The following ERBB4 variants were observed in gnomAD, a reference collection of about 807,000 sequenced individuals.
ERBB4 encodes the protein erb-b2 receptor tyrosine kinase 4.
Under a neutral mutation model 158.0 loss-of-function variants are expected in ERBB4, and 42 were observed. The observed-to-expected ratio is 0.27, with a 90% CI of 0.21 to 0.34. The LOEUF (loss-of-function observed/expected upper bound fraction) is 0.34, where lower values mean the gene tolerates loss of function less well. Among genes scored for constraint, ERBB4 ranks in the 10% least tolerant of loss-of-function variants. The probability of loss-of-function intolerance (pLI) is 1.00; values close to 1 mark genes in which losing one functional copy is unlikely to be tolerated. For missense variants in ERBB4, 1,333 were observed against 1,624.1 expected (o/e 0.82, Z 3.08); for synonymous variants, 583 against 558.7 (o/e 1.04, Z -0.61).
At chr2:211,771,963 AC>A (rs1395690441) in intron 4 of ERBB4, among the ~76,000 whole-genome samples, 1 of 152,196 alleles carries the variant, frequency 6.6e-6, no homozygotes, top group African/African-American at 2.4e-5. Flanking sequence ...TCATTAAATA[AC>A]CATTACTAAA....
At chr2:212,331,007 T>A (rs1018351896) in intron 1 of ERBB4, among the ~76,000 whole-genome samples, 2 of 147,102 alleles carry the variant, frequency 1.4e-5, no homozygotes, top group Non-Finnish European at 3.0e-5. Flanking sequence ...TATGTGCTTT[T>A]TCCTGCAATA....
At chr2:211,911,720 AACAGCGATTGGTGGTT>A (rs544627251) in intron 3 of ERBB4, among the ~76,000 whole-genome samples, 256 of 152,316 alleles carry the variant, frequency 1.7e-3, no homozygotes, top group Non-Finnish European at 2.8e-3. Flanking sequence ...ATCTCACAGA[AACAGCGATTGGTGGTT>A]ACAGAGACTG....
chr2:211,547,287 T>A (rs917037892), intron 20 of ERBB4, among the ~76,000 whole-genome samples: 2 of 152,080 alleles, frequency 1.3e-5, no homozygotes, highest in Admixed American at 1.3e-4. Context: ...GAAAAAAAAT[T>A]GGTTGTGATC....
chr2:212,264,453 A>T (rs2085056667), intron 1 of ERBB4, among the ~76,000 whole-genome samples: 1 of 152,062 alleles, frequency 6.6e-6, no homozygotes, highest in Admixed American at 6.6e-5. Flanking sequence ...AAGCACTTGC[A>T]CTGTATATTA....
At chr2:211,573,223 A>G (rs1434167024) in intron 19 of ERBB4, among the ~76,000 whole-genome samples, 1 of 152,164 alleles carries the variant, frequency 6.6e-6, no homozygotes, top group Non-Finnish European at 1.5e-5. Flanking sequence ...GAACATCTGT[A>G]GCCACCCGCA....
intron 2 of ERBB4, among the ~76,000 whole-genome samples, chr2:212,064,027 G>T (rs999739611): frequency 2.0e-5 from 3 of 152,088 alleles, no homozygotes; most frequent in African/African-American, 7.2e-5. Context: ...ATATGTATAA[G>T]ACACAATAGG....
At chr2:211,714,631 G>T (rs1418709111) in intron 7 of ERBB4, among the ~76,000 whole-genome samples, 1 of 152,174 alleles carries the variant, frequency 6.6e-6, no homozygotes, top group Admixed American at 6.5e-5. Context: ...GCTAAGCTAT[G>T]CCACCTGTAG....
At chr2:212,141,234 A>T (rs1194326697) in intron 1 of ERBB4, among the ~76,000 whole-genome samples, 1 of 151,986 alleles carries the variant, frequency 6.6e-6, no homozygotes, top group Non-Finnish European at 1.5e-5. Flanking sequence ...ATTATATTAG[A>T]AGTCCATGAC....
chr2:212,002,727 A>C (rs896425574), intron 2 of ERBB4, among the ~76,000 whole-genome samples: 1 of 152,116 alleles, frequency 6.6e-6, no homozygotes, highest in Non-Finnish European at 1.5e-5. Flanking sequence ...AGCAATATGA[A>C]TTTGTTATGA....
At chr2:212,457,960 C>G (rs948882259) in intron 1 of ERBB4, among the ~76,000 whole-genome samples, 5 of 151,708 alleles carry the variant, frequency 3.3e-5, no homozygotes, top group African/African-American at 1.2e-4. Context: ...TTTTATTATT[C>G]AGATTTAATA....
chr2:211,559,743 C>T (rs2067334451), intron 20 of ERBB4, among the ~76,000 whole-genome samples: 1 of 152,194 alleles, frequency 6.6e-6, no homozygotes, highest in South Asian at 2.1e-4. Flanking sequence ...GAGAACCAGG[C>T]TCGTATCTGC....
At chr2:211,557,167 A>C (rs2067257261) in intron 20 of ERBB4, among the ~76,000 whole-genome samples, 1 of 152,338 alleles carries the variant, frequency 6.6e-6, no homozygotes, top group Admixed American at 6.5e-5. Flanking sequence ...AAACCATGGA[A>C]GACAACGTAG....
chr2:212,424,332 C>T (rs1295418689), intron 1 of ERBB4, among the ~76,000 whole-genome samples: 1 of 152,038 alleles, frequency 6.6e-6, no homozygotes, highest in Admixed American at 6.6e-5. Flanking sequence ...GTAGGACTTT[C>T]CCTGCCACTA....
At chr2:211,384,991 G>A (rs1015071872) in intron 27 of ERBB4, among the ~76,000 whole-genome samples, 53 of 151,898 alleles carry the variant, frequency 3.5e-4, no homozygotes, top group Non-Finnish European at 1.2e-4. Flanking sequence ...TGTATTGTAA[G>A]TCCTCTGACA....
intron 5 of ERBB4, among the ~76,000 whole-genome samples, chr2:211,734,510 T>C (rs1021004709): frequency 1.3e-5 from 2 of 151,328 alleles, no homozygotes; most frequent in African/African-American, 4.9e-5. Flanking sequence ...TATAGAAAAA[T>C]GTTCATTAGT....
intron 1 of ERBB4, among the ~76,000 whole-genome samples, chr2:212,217,612 G>A (rs1409393321): frequency 1.3e-5 from 2 of 151,084 alleles, no homozygotes; most frequent in South Asian, 4.1e-4. Flanking sequence ...AGAAGGAAAC[G>A]GTTCGATTTC....
chr2:212,100,321 A>G (rs764342497), intron 2 of ERBB4, among the ~76,000 whole-genome samples: 1 of 152,218 alleles, frequency 6.6e-6, no homozygotes, highest in Non-Finnish European at 1.5e-5. Context: ...AAGTAAGCAG[A>G]TTTCCATCCC....
chr2:212,271,268 T>C (rs2085334041), intron 1 of ERBB4, among the ~76,000 whole-genome samples: 2 of 151,738 alleles, frequency 1.3e-5, no homozygotes, highest in African/African-American at 4.8e-5. Context: ...AGGAAGGTGA[T>C]CTGATTGCTA....
chr2:212,079,541 AC>A (rs1559457514), intron 2 of ERBB4, among the ~76,000 whole-genome samples: 1 of 149,392 alleles, frequency 6.7e-6, no homozygotes, highest in East Asian at 1.9e-4. Flanking sequence ...CCTTTTAATA[AC>A]CATTTCAATA....
Sources: gnomAD v4.1 joint callset for allele counts (sites outside exome capture counted in the v4.1 genomes callset) on GRCh38, gnomAD v4.1.1 for gene constraint, MANE v1.5 for transcripts, NCBI Gene and HGNC (gene_info 2026-07-23, HGNC 2026-07-21) for gene names.